NUP62CL: variants seen among roughly 807,000 people sequenced by gnomAD.
NUP62CL encodes the protein nucleoporin-62 C-terminal-like protein.
NUP62CL carries 13 observed loss-of-function variants against 15.3 expected under a neutral mutation model. The observed-to-expected ratio is 0.85, with a 90% CI of 0.55 to 1.35. The LOEUF (loss-of-function observed/expected upper bound fraction) is 1.35. NUP62CL is among the 40% of genes most tolerant of loss of function. The pLI is 0.00. For synonymous variants in NUP62CL, 54 were observed against 49.2 expected (o/e 1.10, Z -0.41); for missense variants, 123 against 130.6 (o/e 0.94, Z 0.28).
At chrX:107,163,070 G>A (rs1029653353) in intron 4 of NUP62CL, among the ~76,000 whole-genome samples, 4 of 111,530 alleles carry the variant, frequency 3.6e-5, no homozygotes, top group African/African-American at 1.3e-4. Context: ...CTGATATAAA[G>A]TAAGGAATAT....
intron 4 of NUP62CL, among the ~76,000 whole-genome samples, chrX:107,162,866 C>T (rs1926422464): frequency 9.0e-6 from 1 of 111,126 alleles, no homozygotes; most frequent in South Asian, 3.8e-4. Flanking sequence ...TCATCAGGAG[C>T]GCACAACCTA....
At chrX:107,165,711 TAAAG>T (rs1044397535) in intron 4 of NUP62CL, among the ~76,000 whole-genome samples, 1 of 111,779 alleles carries the variant, frequency 8.9e-6, no homozygotes. Flanking sequence ...TTCACCAAGA[TAAAG>T]AAACAAAATC....
chrX:107,132,144 C>T lies in NUP62CL; in HGVS notation c.*43-7812G>A, dbSNP rs755410759. Reference sequence around the variant, plus strand: ...TGGAAGAGGAAAAGATTCAAATGAACGAGAGTTCAAACCTGAGTTGTGAAC... The same window carrying T: ...TGGAAGAGGAAAAGATTCAAATGAATGAGAGTTCAAACCTGAGTTGTGAAC... On this transcript the variant is annotated intron_variant, in intron 8 of 8. Transcript: ENST00000372466. 3.4e-5 allele frequency: 40 copies of T among 1,166,596 alleles called. 1 individual carries two copies. The Middle Eastern group carries it at 1.2e-3, about 34-fold the overall frequency.
chrX:107,164,063 G>A (rs1464297791), intron 4 of NUP62CL, among the ~76,000 whole-genome samples: 1 of 111,570 alleles, frequency 9.0e-6, no homozygotes, highest in African/African-American at 3.3e-5. Flanking sequence ...ATTTTCAAAT[G>A]TCCATGGAAC....
At chrX:107,147,345 G>T (rs1925904026) in intron 8 of NUP62CL, among the ~76,000 whole-genome samples, 1 of 111,056 alleles carries the variant, frequency 9.0e-6, no homozygotes, top group Admixed American at 9.6e-5. Context: ...AGTTATGTAG[G>T]TTTGTTTAGT....
At position 107,124,309 on chromosome X, in the gene NUP62CL, C is replaced by T. The variant is rs200409956; in HGVS notation, c.*66G>A. ...TAATCCTCGAAAACCCGTGTTACCA[C>T]TTCTACCTTCCTTCGCAGCATGCCT... is the stretch of plus-strand genomic sequence containing the variant. On this transcript the variant is annotated 3_prime_UTR_variant, in exon 9 of 9. Coordinates refer to ENST00000372466, the MANE Select transcript of NUP62CL (RefSeq NM_017681.3). The T allele has an allele frequency of 1.8e-5, 6 of 339,747 alleles. No individual in the cohort carries two copies. The highest frequency in any genetic ancestry group is 3.5e-5 in the Non-Finnish European group (6 of 169,778). 28.0% of individuals were successfully genotyped at this position (339,747 alleles called of 1,213,427 possible). A position where few individuals can be genotyped will look rare whatever the true frequency, so the allele number is the denominator to read the frequency against.
At position 107,172,762 on chromosome X, in the gene NUP62CL, T is replaced by C. The variant is rs145480655; in HGVS notation, c.58+2327A>G. Among the ~76,000 whole-genome samples the C allele has an allele frequency of 6.6e-3, 745 of 112,159 alleles. 6 individuals are homozygous for C. Among genetic ancestry groups the C allele is most frequent in the African/African-American group, 0.023 (699 of 30,965 alleles). ...GTGATCAATAACGAAAATTCTTAAG[T>C]TTGATGGTTGGCAAGAATTTGGCAG... On this transcript the variant is annotated intron_variant, in intron 3 of 8. Coordinates refer to ENST00000372466, the MANE Select transcript of NUP62CL (RefSeq NM_017681.3).
chrX:107,161,460 T>G (rs1288584273), intron 4 of NUP62CL, among the ~76,000 whole-genome samples: 1 of 82,648 alleles, frequency 1.2e-5, no homozygotes, highest in African/African-American at 4.6e-5. Flanking sequence ...CCATAAAAAA[T>G]GATGAGTTCA....
intron 4 of NUP62CL, among the ~76,000 whole-genome samples, chrX:107,154,736 G>C (rs1032244816): frequency 4.5e-5 from 5 of 111,845 alleles, no homozygotes; most frequent in African/African-American, 1.6e-4. Flanking sequence ...AAAAGGCTCA[G>C]CAACTAGCTG....
intron 2 of NUP62CL, among the ~76,000 whole-genome samples, chrX:107,181,724 T>C (rs1268506934): frequency 8.9e-6 from 1 of 111,961 alleles, no homozygotes; most frequent in African/African-American, 3.2e-5. Context: ...CTTTATCTTA[T>C]AGGGTCTGAG....
intron 1 of NUP62CL, among the ~76,000 whole-genome samples, chrX:107,194,419 T>TAG (rs766755151): frequency 1.8e-5 from 2 of 111,857 alleles, no homozygotes; most frequent in East Asian, 5.6e-4. Flanking sequence ...TAATAAACAT[T>TAG]AGAAGACAGT....
intron 5 of NUP62CL, among the ~76,000 whole-genome samples, 191 bp downstream of exon 5, chrX:107,153,905 C>A (rs773886499): frequency 6.7e-4 from 75 of 111,268 alleles, no homozygotes; most frequent in African/African-American, 2.4e-3. Context: ...CCAGGGAGAT[C>A]GAGGCTGCAG....
chrX:107,197,397 G>A (rs754767769), intron 1 of NUP62CL, among the ~76,000 whole-genome samples: 2 of 110,552 alleles, frequency 1.8e-5, no homozygotes, highest in Non-Finnish European at 3.8e-5. Flanking sequence ...ATGGGAAACA[G>A]GTCTGTACTC....
intron 3 of NUP62CL, among the ~76,000 whole-genome samples, chrX:107,168,170 CT>C (rs1926560305): frequency 8.9e-6 from 1 of 111,845 alleles, no homozygotes; most frequent in Admixed American, 9.5e-5. Context: ...ACATCTATAT[CT>C]TTGCATATTT....
rs753501414 is a variant in NUP62CL, at chrX:107,197,491, C to T, written c.-91-4419G>A. On this transcript the variant is annotated intron_variant, in intron 1 of 8. Coordinates refer to ENST00000372466, the MANE Select transcript of NUP62CL (RefSeq NM_017681.3). ...AACCTCTCTTCCTCTTCTAAGTAAC[C>T]TCTCCTTATCCACACTGCCTAACTA... Among the ~76,000 whole-genome samples the T allele has an allele frequency of 3.6e-5, 4 of 110,452 alleles. No individual in the cohort carries two copies. In the South Asian group the frequency reaches 1.6e-3, roughly 43 times the overall value.
At chrX:107,182,351 C>G (rs1296913944) in intron 2 of NUP62CL, among the ~76,000 whole-genome samples, 1 of 111,901 alleles carries the variant, frequency 8.9e-6, no homozygotes, top group Non-Finnish European at 1.9e-5. Context: ...GCCAAAATTC[C>G]CCCATGGTGG....
At chrX:107,183,592 C>T (rs1361381649) in intron 2 of NUP62CL, among the ~76,000 whole-genome samples, 1 of 111,659 alleles carries the variant, frequency 9.0e-6, no homozygotes, top group South Asian at 3.8e-4. Flanking sequence ...CCTCATATTT[C>T]CCAGGCTTGG....
Position 107,123,897 on chromosome X carries a change from A to T in NUP62CL, c.*478T>A. 6.9e-6 allele frequency: 1 copy of T among 145,129 alleles called. No individual in the cohort carries two copies. Among genetic ancestry groups the T allele is most frequent in the Non-Finnish European group, 1.3e-5 (1 of 76,683 alleles). The allele number at this position is 145,129 out of a possible 1,213,427, so 12.0% of individuals were successfully genotyped here. On this transcript the variant is annotated 3_prime_UTR_variant, in exon 9 of 9. Coordinates refer to ENST00000372466, the MANE Select transcript of NUP62CL (RefSeq NM_017681.3). ...GAGAAGAGACTTTACAGTATCTAGC[A>T]CTATATAGGTTGGCATGTACTTTTG... is the stretch of plus-strand genomic sequence containing the variant.
intron 4 of NUP62CL, among the ~76,000 whole-genome samples, chrX:107,161,108 C>T (rs1250321348): frequency 1.8e-5 from 2 of 108,370 alleles, no homozygotes; most frequent in African/African-American, 6.7e-5. Context: ...GTTAGAATGG[C>T]AATCATTGAA....
Sources: allele counts gnomAD v4.1 joint callset (sites outside exome capture counted in the v4.1 genomes callset), GRCh38; gene constraint gnomAD v4.1.1; transcripts MANE v1.5; gene names NCBI Gene and HGNC (gene_info 2026-07-23, HGNC 2026-07-21).